The following CNTNAP2 variants were observed in gnomAD, a reference collection of about 807,000 sequenced individuals.
The protein encoded by CNTNAP2 is contactin associated protein 2, also known as contactin-associated protein-like 2.
A neutral mutation model predicts 155.2 loss-of-function variants in CNTNAP2; 98 were observed. The ratio of observed to expected loss-of-function variants is 0.63; its 90% confidence interval spans 0.54 to 0.75. CNTNAP2 has a LOEUF of 0.75. Ranked by LOEUF, CNTNAP2 falls within the 30% of genes least tolerant of loss-of-function variation. CNTNAP2 has a pLI of 0.00. For missense variants in CNTNAP2, 1,727 were observed against 1,688.1 expected (o/e 1.02, Z -0.40); for synonymous variants, 651 against 631.2 (o/e 1.03, Z -0.47).
At chr7:147,555,355 G>A (rs1285397981) in intron 11 of CNTNAP2, among the ~76,000 whole-genome samples, 1 of 151,982 alleles carries the variant, frequency 6.6e-6, no homozygotes, top group East Asian at 1.9e-4. Flanking sequence ...TCCATTCAAG[G>A]GTAGAAATTC....
At chr7:146,772,276 A>G (rs1014376130) in intron 1 of CNTNAP2, among the ~76,000 whole-genome samples, 2 of 152,194 alleles carry the variant, frequency 1.3e-5, no homozygotes, top group South Asian at 2.1e-4. Flanking sequence ...CTCAGTGGCA[A>G]AGGTCACATT....
chr7:146,689,568 T>A (rs528124126), intron 1 of CNTNAP2, among the ~76,000 whole-genome samples: 1 of 152,140 alleles, frequency 6.6e-6, no homozygotes, highest in Non-Finnish European at 1.5e-5. Flanking sequence ...CATAATTATA[T>A]CTGTCACTCT....
intron 1 of CNTNAP2, among the ~76,000 whole-genome samples, chr7:146,168,925 A>T (rs1798350570): frequency 6.6e-6 from 1 of 152,108 alleles, no homozygotes; most frequent in Non-Finnish European, 1.5e-5. Flanking sequence ...TGCCTACATT[A>T]CCTCTTCCCT....
At chr7:146,484,917 T>A (rs1216558904) in intron 1 of CNTNAP2, among the ~76,000 whole-genome samples, 5 of 152,146 alleles carry the variant, frequency 3.3e-5, no homozygotes, top group African/African-American at 1.2e-4. Flanking sequence ...TACTCTTGGT[T>A]CAAAAAGCAT....
At chr7:147,555,070 G>T (rs1799926741) in intron 11 of CNTNAP2, among the ~76,000 whole-genome samples, 1 of 152,182 alleles carries the variant, frequency 6.6e-6, no homozygotes, top group Non-Finnish European at 1.5e-5. Context: ...GGAATAATTA[G>T]GTTCTGGGCA....
Position 147,395,625 on chromosome 7 carries a change from G to C in CNTNAP2, c.1515G>C (p.Met505Ile), listed in dbSNP as rs372161542. The stretch of plus-strand genomic sequence containing the variant: ...GTTTCACAGGTTTTCTGAACCAGAT[G>C]AATAACTCAAGTCACTCTGTCCTTC... The part of the protein sequence containing the change: ...KYFFGGFLNQ[M>I]NNSSHSVLQP... Residue 505 changes from methionine (M) to isoleucine (I), a missense_variant, in exon 10 of 24, where the codon ATG becomes ATC. By Grantham distance (10) the Met-to-Ile change is conservative. Coordinates refer to ENST00000361727, the MANE Select transcript of CNTNAP2 (RefSeq NM_014141.6). The C allele has an allele frequency of 3.1e-6, 5 of 1,611,864 alleles. No individual in the cohort carries two copies. The African/African-American group carries it at 6.7e-5, about 22-fold the overall frequency.
intron 17 of CNTNAP2, among the ~76,000 whole-genome samples, chr7:148,169,487 G>A (rs984924348): frequency 6.6e-6 from 1 of 152,086 alleles, no homozygotes; most frequent in African/African-American, 2.4e-5. Context: ...AAAACTGGAC[G>A]ACAAGTGTGC....
chr7:148,180,836 G>A (rs1047642253), intron 18 of CNTNAP2, among the ~76,000 whole-genome samples: 1 of 152,158 alleles, frequency 6.6e-6, no homozygotes, highest in African/African-American at 2.4e-5. Flanking sequence ...AATCTGTAAA[G>A]CATTACTTTG....
At chr7:147,065,742 A>G (rs1799766333) in intron 4 of CNTNAP2, among the ~76,000 whole-genome samples, 1 of 152,106 alleles carries the variant, frequency 6.6e-6, no homozygotes, top group South Asian at 2.1e-4. Flanking sequence ...CTGAATTCCT[A>G]CTCTTCTCAG....
At chr7:146,484,185 A>G (rs1178025213) in intron 1 of CNTNAP2, among the ~76,000 whole-genome samples, 2 of 152,198 alleles carry the variant, frequency 1.3e-5, no homozygotes, top group African/African-American at 4.8e-5. Context: ...GCTGTACCAT[A>G]TAGTCTAGGT....
At chr7:146,723,569 A>G (rs1801376889) in intron 1 of CNTNAP2, among the ~76,000 whole-genome samples, 1 of 152,224 alleles carries the variant, frequency 6.6e-6, no homozygotes, top group Non-Finnish European at 1.5e-5. Flanking sequence ...CATTCAATTA[A>G]TAAACTACAA....
intron 13 of CNTNAP2, among the ~76,000 whole-genome samples, chr7:147,801,659 G>A (rs945233739): frequency 9.9e-5 from 15 of 152,140 alleles, no homozygotes; most frequent in Admixed American, 7.9e-4. Flanking sequence ...CCAATCAACA[G>A]GATCCCAAGA....
At chr7:148,405,041 G>C (rs1799667039) in intron 22 of CNTNAP2, among the ~76,000 whole-genome samples, 1 of 152,136 alleles carries the variant, frequency 6.6e-6, no homozygotes, top group African/African-American at 2.4e-5. Context: ...AGCAGCATTT[G>C]GGTGGGAAAA....
intron 13 of CNTNAP2, among the ~76,000 whole-genome samples, chr7:147,646,834 G>A (rs1795372763): frequency 6.6e-6 from 1 of 152,196 alleles, no homozygotes; most frequent in Admixed American, 6.5e-5. Context: ...CATGTACTCA[G>A]GAGCAAAGAT....
At chr7:147,991,799 A>G (rs1801714971) in intron 15 of CNTNAP2, among the ~76,000 whole-genome samples, 1 of 152,118 alleles carries the variant, frequency 6.6e-6, no homozygotes, top group African/African-American at 2.4e-5. Context: ...CTTCATGTCC[A>G]TTGTTAGGGT....
intron 21 of CNTNAP2, among the ~76,000 whole-genome samples, chr7:148,339,974 A>AGTGTGTGTGTGTGTGT (rs10603520): frequency 5.9e-4 from 86 of 144,884 alleles, no homozygotes; most frequent in African/African-American, 1.4e-3. Flanking sequence ...TCCTTCGTGC[A>AGTGTGTGTGTGTGTGT]GTGTGTGTGT....
chr7:146,585,161 C>T (rs1482481581), intron 1 of CNTNAP2, among the ~76,000 whole-genome samples: 2 of 151,838 alleles, frequency 1.3e-5, no homozygotes, highest in South Asian at 2.1e-4. Context: ...CCCACTCTAT[C>T]GCCAGACTGG....
intron 14 of CNTNAP2, among the ~76,000 whole-genome samples, chr7:147,947,724 G>A (rs1209040507): frequency 6.6e-6 from 1 of 152,132 alleles, no homozygotes; most frequent in Admixed American, 6.6e-5. Flanking sequence ...GAACACTGGA[G>A]AGACCTTGGT....
intron 8 of CNTNAP2, among the ~76,000 whole-genome samples, chr7:147,259,526 T>A (rs1017505531): frequency 3.9e-5 from 6 of 152,216 alleles, no homozygotes; most frequent in Non-Finnish European, 7.3e-5. Context: ...TTTTAAGATA[T>A]ATGAATTCTT....
Sources: allele counts gnomAD v4.1 joint callset (sites outside exome capture counted in the v4.1 genomes callset), GRCh38; gene constraint gnomAD v4.1.1; transcripts MANE v1.5; gene names NCBI Gene and HGNC (gene_info 2026-07-23, HGNC 2026-07-21).